Variants in ELAC2 observed in about 807,000 individuals in gnomAD.
The protein encoded by ELAC2 is elaC ribonuclease Z 2.
ELAC2 carries 92 observed loss-of-function variants against 105.2 expected under a neutral mutation model. That is an observed-to-expected ratio of 0.87 (90% CI 0.74 to 1.04). The LOEUF is 1.04. ELAC2 is among the 50% of genes least tolerant of loss of function. The pLI, the probability that ELAC2 is intolerant of heterozygous loss-of-function variation, is 0.00. For synonymous variants in ELAC2, 468 were observed against 409.1 expected (o/e 1.14, Z -1.74); for missense variants, 1,099 against 1,071.7 (o/e 1.03, Z -0.36).
At position 13,017,850 on chromosome 17, in the gene ELAC2, C is replaced by A. The variant is rs771550822; in HGVS notation, c.98G>T (p.Arg33Leu). 113 of 1,564,568 alleles carry A rather than the reference C, an allele frequency of 7.2e-5. No homozygotes were observed. The highest frequency in any genetic ancestry group is 9.7e-5 in the Non-Finnish European group (112 of 1,157,246). ...SQAPARRERP[R>L]KDPLRHLRTR... The stretch of plus-strand genomic sequence containing the variant: ...GCGCAGGTGCCGCAGCGGGTCCTTG[C>A]GCGGCCGCTCGCGGCGGGCGGGTGC... Residue 33 changes from arginine to leucine, a missense_variant, in exon 1 of 24, where the codon CGC becomes CTC. Physicochemically the swap from Arg to Leu is moderately radical, Grantham distance 102. Coordinates refer to ENST00000338034, the MANE Select transcript of ELAC2 (RefSeq NM_018127.7).
At position 12,995,020 on chromosome 17, in the gene ELAC2, G is replaced by A. The variant is rs2143556853; in HGVS notation, c.1851C>T (p.Ser617=). The change falls in exon 20 of 24, where the codon TCC becomes TCT. Residue 617 remains serine, a synonymous_variant. Transcript: ENST00000338034. ...TGATCAATCTTTCCACTGCAGGACT[G>A]GAGATCTCAGCCCCTTCCTGAAGGC... The part of the protein sequence containing the change: ...AKCLQEGAEI[S]SPAVERLISS... 5 of 1,614,188 alleles carry A rather than the reference G, an allele frequency of 3.1e-6. No homozygotes were observed. The highest frequency in any genetic ancestry group is 4.2e-6 in the Non-Finnish European group (5 of 1,180,034).
At chr17:12,997,453 G>A (rs1242203331) in intron 16 of ELAC2, among the ~76,000 whole-genome samples, 1 of 152,176 alleles carries the variant, frequency 6.6e-6, no homozygotes, top group African/African-American at 2.4e-5. Context: ...GGAAAAAGGA[G>A]TCGGGAGGCG....
chr17:12,994,557 G>C (rs568498595), intron 21 of ELAC2, 54 bp from the exon 22 acceptor site: 4 of 1,608,878 alleles, frequency 2.5e-6, no homozygotes, highest in Non-Finnish European at 3.4e-6. Context: ...GCGGCACACA[G>C]GCCTCAGTCA....
intron 15 of ELAC2, among the ~76,000 whole-genome samples, chr17:12,999,035 A>G (rs2040619053): frequency 6.6e-6 from 1 of 152,140 alleles, no homozygotes; most frequent in African/African-American, 2.4e-5. Flanking sequence ...GGTAAGCAAC[A>G]TAGTTCTATC....
Position 12,994,985 on chromosome 17 carries a change from A to C in ELAC2, c.1886T>G (p.Leu629Trp), listed in dbSNP as rs200189085. The change falls in exon 20 of 24, where the codon TTG becomes TGG. Residue 629 changes from leucine to tryptophan, a missense_variant. By Grantham distance (61) the Leu-to-Trp change is moderately conservative. Transcript: ENST00000338034. ...TACCTCTTCCAAATCACATGTTCGC[A>C]ACAGCGAACTGATCAATCTTTCCAC... ...PAVERLISSLLRTCDLEEFQT... is the reference protein window; with the variant it reads ...PAVERLISSLWRTCDLEEFQT... 2 of 1,614,170 alleles carry C rather than the reference A, an allele frequency of 1.2e-6. No individual in the cohort carries two copies. Among genetic ancestry groups the C allele is most frequent in the Non-Finnish European group, 1.7e-6 (2 of 1,180,032 alleles).
At chr17:13,013,106 A>C in intron 6 of ELAC2, 101 bp downstream of exon 6, 1 of 1,340,546 alleles carries the variant, frequency 7.5e-7, no homozygotes, top group South Asian at 1.2e-5. Context: ...CAGAACACAA[A>C]ACAGGGTGCC....
rs1474895977 is a variant in ELAC2 at position 13,017,953 on chromosome 17, C to G, written c.-6G>C. On this transcript the variant is annotated 5_prime_UTR_variant, in exon 1 of 24. Coordinates refer to ENST00000338034, the MANE Select transcript of ELAC2 (RefSeq NM_018127.7). Reference sequence around the variant, plus strand: ...AGCGAGCAAAGCGCCCACATGCGCCCGTCTCCACCAAAACTGAGAAAGCCG... The same window carrying G: ...AGCGAGCAAAGCGCCCACATGCGCCGGTCTCCACCAAAACTGAGAAAGCCG... The G allele has an allele frequency of 2.0e-6, 3 of 1,536,078 alleles. No homozygotes were observed. Among genetic ancestry groups the G allele is most frequent in the African/African-American group, 1.4e-5 (1 of 72,950 alleles).
Position 13,017,955 on chromosome 17 carries a change from T to C in ELAC2, c.-8A>G, listed in dbSNP as rs566827043. 2 of 1,536,006 alleles carry C rather than the reference T, an allele frequency of 1.3e-6. No individual in the cohort carries two copies. The highest frequency in any genetic ancestry group is 2.4e-5 in the East Asian group (1 of 40,880). ...CGAGCAAAGCGCCCACATGCGCCCG[T>C]CTCCACCAAAACTGAGAAAGCCGCC... On this transcript the variant is annotated 5_prime_UTR_variant, in exon 1 of 24. Transcript: ENST00000338034.
intron 8 of ELAC2, among the ~76,000 whole-genome samples, chr17:13,008,319 G>A (rs1425064656): frequency 6.6e-6 from 1 of 151,858 alleles, no homozygotes; most frequent in African/African-American, 2.4e-5. Flanking sequence ...AGACCATCCT[G>A]GCCAACATGG....
intron 8 of ELAC2, among the ~76,000 whole-genome samples, chr17:13,009,762 G>C (rs111604768): frequency 0.28 from 41,874 of 152,052 alleles, 5,943 homozygotes; most frequent in Middle Eastern, 0.33. Context: ...AGGCCAAGGT[G>C]GGTGGATCAC....
At chr17:12,999,282 C>G (rs1567749887) in intron 15 of ELAC2, among the ~76,000 whole-genome samples, 1 of 152,240 alleles carries the variant, frequency 6.6e-6, no homozygotes, top group African/African-American at 2.4e-5. Flanking sequence ...GCATCCAGCT[C>G]TCACTGCAAG....
At chr17:13,012,119 C>G (rs969939436) in intron 6 of ELAC2, among the ~76,000 whole-genome samples, 4 of 152,064 alleles carry the variant, frequency 2.6e-5, no homozygotes, top group African/African-American at 9.7e-5. Context: ...CAAGAAGGAG[C>G]CTCATTTTAC....
At position 13,003,860 on chromosome 17, in the gene ELAC2, A is replaced by T. The variant is rs75158277; in HGVS notation, c.984-286T>A. On this transcript the variant is annotated intron_variant, in intron 11 of 23. Coordinates refer to ENST00000338034, the MANE Select transcript of ELAC2 (RefSeq NM_018127.7). ...ACTGCACTTCCTTCCTACCCTCTCC[A>T]CTCATACGGGTCCAACCTGCAAAGC... 3,647 of 428,170 alleles carry T rather than the reference A, an allele frequency of 8.5e-3. 21 individuals carry two copies. Among genetic ancestry groups the T allele is most frequent in the Non-Finnish European group, 0.012 (2,693 of 228,918 alleles). The allele number at this position is 428,170 out of a possible 1,614,324, so 26.5% of individuals were successfully genotyped here. A position where few individuals can be genotyped will look rare whatever the true frequency, so the allele number is the denominator to read the frequency against.
At chr17:12,998,869 C>T (rs529642507) in intron 15 of ELAC2, among the ~76,000 whole-genome samples, 1 of 152,312 alleles carries the variant, frequency 6.6e-6, no homozygotes, top group Non-Finnish European at 1.5e-5. Flanking sequence ...TCCTCTGCCA[C>T]GTTATGATGC....
intron 12 of ELAC2, 84 bp downstream of exon 12, chr17:13,003,395 C>G: frequency 7.7e-7 from 1 of 1,298,306 alleles, no homozygotes; most frequent in Non-Finnish European, 1.1e-6. Flanking sequence ...GTAGGTAGCG[C>G]TGGAAAGAGC....
At chr17:13,012,689 G>A (rs569100302) in intron 6 of ELAC2, among the ~76,000 whole-genome samples, 2 of 152,092 alleles carry the variant, frequency 1.3e-5, no homozygotes, top group Non-Finnish European at 2.9e-5. Context: ...CTCTTCACAT[G>A]TAAGTAAAAC....
At chr17:13,013,889 C>A (rs1272661154) in intron 5 of ELAC2, among the ~76,000 whole-genome samples, 7 of 152,140 alleles carry the variant, frequency 4.6e-5, no homozygotes, top group Non-Finnish European at 8.8e-5. Context: ...GAGGCAGGAG[C>A]CCTGCCGTCT....
chr17:13,011,644 G>A lies in ELAC2; in HGVS notation c.679+19C>T, dbSNP rs2143660963. 1 of 1,614,172 alleles carries A rather than the reference G, an allele frequency of 6.2e-7. No individual in the cohort carries two copies. The highest frequency in any genetic ancestry group is 8.5e-7 in the Non-Finnish European group (1 of 1,180,026). On this transcript the variant is annotated intron_variant, in intron 7 of 23. Transcript: ENST00000338034. ...AAAACGCAAGCCTTTCTGCTGCTCT[G>A]TTTTGTTTATACTATTACCATGTGG... is the stretch of plus-strand genomic sequence containing the variant.
chr17:12,999,453 C>A (rs562900864), intron 15 of ELAC2, among the ~76,000 whole-genome samples: 62 of 152,322 alleles, frequency 4.1e-4, no homozygotes, highest in African/African-American at 1.4e-3. Context: ...AGCCTGTGCC[C>A]GGCCCTCAGC....
Sources: gnomAD v4.1 joint callset for allele counts (sites outside exome capture counted in the v4.1 genomes callset) on GRCh38, gnomAD v4.1.1 for gene constraint, MANE v1.5 for transcripts, NCBI Gene and HGNC (gene_info 2026-07-23, HGNC 2026-07-21) for gene names.